RORA: variants seen among roughly 807,000 people sequenced by gnomAD.
RORA encodes the protein nuclear receptor ROR-alpha.
In RORA, 7 loss-of-function variants were observed where a neutral mutation model predicts 69.5. That is an observed-to-expected ratio of 0.10 (90% confidence interval 0.06 to 0.19). RORA has a LOEUF of 0.19. Ranked by LOEUF, RORA falls within the 10% of genes least tolerant of loss-of-function variation. RORA has a pLI of 1.00. For synonymous variants in RORA, 261 were observed against 240.8 expected (o/e 1.08, Z -0.78); for missense variants, 457 against 663.0 (o/e 0.69, Z 3.41).
At chr15:60,859,830 C>G (rs1210110119) in intron 1 of RORA, among the ~76,000 whole-genome samples, 2 of 151,982 alleles carry the variant, frequency 1.3e-5, no homozygotes, top group African/African-American at 4.8e-5. Context: ...CCAGTTATTC[C>G]TGCTGAATTT....
At position 60,797,661 on chromosome 15, in the gene RORA, G is replaced by A. The variant is rs117171714; in HGVS notation, c.167-118975C>T. Among the ~76,000 whole-genome samples, 849 of 152,154 alleles carry A rather than the reference G, an allele frequency of 5.6e-3. 6 individuals are homozygous for A. The highest frequency in any genetic ancestry group is 0.021 in the South Asian group (99 of 4,790). ...TGCTTATGAGATATTAACTCCTTAC[G>A]GGCCCAGCCAAGGACACCGGTGTCA... On this transcript the variant is annotated intron_variant, in intron 1 of 10. Transcript: ENST00000335670.
chr15:61,085,632 C>T (rs1029882990), intron 1 of RORA, among the ~76,000 whole-genome samples: 3 of 152,330 alleles, frequency 2.0e-5, no homozygotes, highest in South Asian at 2.1e-4. Context: ...TCCATGGCCC[C>T]TTTCACTCCT....
intron 2 of RORA, among the ~76,000 whole-genome samples, chr15:60,559,446 T>G (rs1334037419): frequency 6.6e-6 from 1 of 152,200 alleles, no homozygotes; most frequent in African/African-American, 2.4e-5. Context: ...CAATTATAAA[T>G]AGGATGTACT....
Position 60,835,287 on chromosome 15 carries a change from T to C in RORA, c.167-156601A>G, listed in dbSNP as rs1241360582. 2.0e-5 allele frequency among the ~76,000 whole-genome samples: 3 copies of C among 152,212 alleles called. No individual in the cohort carries two copies. In the East Asian group the frequency reaches 5.8e-4, roughly 29 times the overall value. On this transcript the variant is annotated intron_variant, in intron 1 of 10. Transcript: ENST00000335670. ...TAAAAGCTCTTGGGCTATGAGTTAA[T>C]AAGAATTTTAATAAAAATGGAAAGT... is the stretch of plus-strand genomic sequence containing the variant.
intron 1 of RORA, among the ~76,000 whole-genome samples, chr15:60,851,548 C>G (rs2073324620): frequency 6.6e-6 from 1 of 152,158 alleles, no homozygotes; most frequent in Non-Finnish European, 1.5e-5. Flanking sequence ...AACCTGCTAC[C>G]TCCTACTCTG....
chr15:61,011,087 G>C (rs560830481), intron 1 of RORA, among the ~76,000 whole-genome samples: 9 of 152,274 alleles, frequency 5.9e-5, no homozygotes, highest in African/African-American at 1.9e-4. Context: ...GCAGAGGTAG[G>C]AACTGAACCC....
intron 1 of RORA, among the ~76,000 whole-genome samples, chr15:61,171,511 G>A (rs758211659): frequency 4.6e-5 from 7 of 152,268 alleles, no homozygotes; most frequent in Non-Finnish European, 7.4e-5. Flanking sequence ...GCAGGGATCC[G>A]GAAGTAAATT....
intron 2 of RORA, among the ~76,000 whole-genome samples, chr15:60,549,460 A>G (rs759871113): frequency 3.5e-4 from 53 of 152,352 alleles, no homozygotes; most frequent in Non-Finnish European, 5.7e-4. Context: ...GTCAAACACT[A>G]TAAGACCAAG....
rs955474134 is a variant in RORA at position 60,929,081 on chromosome 15, T to C, written c.167-250395A>G. Reference sequence around the variant, plus strand: ...TTGAGCTGGGTCCATTGGAGGAGCATTGTATGGTGCCCCTGCTGGGTCTAC... The same window carrying C: ...TTGAGCTGGGTCCATTGGAGGAGCACTGTATGGTGCCCCTGCTGGGTCTAC... On this transcript the variant is annotated intron_variant, in intron 1 of 10. Transcript: ENST00000335670. Among the ~76,000 whole-genome samples, 15 of 152,176 alleles carry C rather than the reference T, an allele frequency of 9.9e-5. 1 individual carries two copies. The highest frequency in any genetic ancestry group is 3.9e-4 in the Admixed American group (6 of 15,280).
rs550546197 is a variant in RORA at position 60,756,545 on chromosome 15, A to T, written c.167-77859T>A. Among the ~76,000 whole-genome samples, 4 of 152,354 alleles carry T rather than the reference A, an allele frequency of 2.6e-5. No individual in the cohort carries two copies. The South Asian group carries it at 8.3e-4, about 32-fold the overall frequency. On this transcript the variant is annotated intron_variant, in intron 1 of 10. Transcript: ENST00000335670. ...CATAACCCATTAAGATCTCTCCGTTAAGTTCAAAAATCAATGTTAATAATG... is the reference window on the plus strand; with the variant it reads ...CATAACCCATTAAGATCTCTCCGTTTAGTTCAAAAATCAATGTTAATAATG...
chr15:61,118,732 C>T (rs993456485), intron 1 of RORA, among the ~76,000 whole-genome samples: 1 of 152,126 alleles, frequency 6.6e-6, no homozygotes, highest in African/African-American at 2.4e-5. Context: ...GTGACGCTAC[C>T]CCTGCCAAAT....
Position 60,646,797 on chromosome 15 carries a change from G to A in RORA, c.196+31860C>T, listed in dbSNP as rs560274333. On this transcript the variant is annotated intron_variant, in intron 2 of 10. Transcript: ENST00000335670. ...ATCAGAAACTGGAAAGTCTCACCCT[G>A]CCCAGCCTGTCTGGCTCGTATGCTT... Among the ~76,000 whole-genome samples, 65 of 152,310 alleles carry A rather than the reference G, an allele frequency of 4.3e-4. 1 individual carries two copies. The South Asian group carries it at 5.6e-3, about 13-fold the overall frequency.
chr15:61,112,393 G>A (rs2079014671), intron 1 of RORA, among the ~76,000 whole-genome samples: 2 of 152,128 alleles, frequency 1.3e-5, no homozygotes, highest in South Asian at 4.1e-4. Flanking sequence ...AGGAGAGTGT[G>A]CGCGTTTCCA....
At chr15:60,853,142 C>T (rs1295654005) in intron 1 of RORA, among the ~76,000 whole-genome samples, 1 of 152,302 alleles carries the variant, frequency 6.6e-6, no homozygotes, top group South Asian at 2.1e-4. Flanking sequence ...ACGGTACACG[C>T]TTCCAATTAA....
chr15:61,156,702 C>G (rs1302184803), intron 1 of RORA, among the ~76,000 whole-genome samples: 4 of 152,148 alleles, frequency 2.6e-5, no homozygotes, highest in Non-Finnish European at 4.4e-5. Context: ...AACAGAAAGA[C>G]CCTTAAAACT....
At chr15:61,136,274 A>G (rs1026415520) in intron 1 of RORA, among the ~76,000 whole-genome samples, 3 of 151,704 alleles carry the variant, frequency 2.0e-5, no homozygotes, top group Non-Finnish European at 4.4e-5. Context: ...TTATCCTCCT[A>G]TATACCATTT....
intron 1 of RORA, among the ~76,000 whole-genome samples, chr15:60,796,464 A>G (rs998882159): frequency 2.0e-4 from 31 of 152,148 alleles, no homozygotes; most frequent in African/African-American, 7.5e-4. Flanking sequence ...AAAGAAAATC[A>G]GACAGATACC....
At position 61,202,744 on chromosome 15, in the gene RORA, A is replaced by G. The variant is rs573176261; in HGVS notation, c.166+26309T>C. On this transcript the variant is annotated intron_variant, in intron 1 of 10. Coordinates refer to ENST00000335670, the MANE Select transcript of RORA (RefSeq NM_134261.3). The stretch of plus-strand genomic sequence containing the variant: ...CAAGGAAGTAAAAAAGGAACTTGCC[A>G]TCTACCTGGAATTCCAGGTAGAAAA... Among the ~76,000 whole-genome samples the G allele has an allele frequency of 6.6e-5, 10 of 152,314 alleles. No homozygotes were observed. In the South Asian group the frequency reaches 1.9e-3, roughly 28 times the overall value.
chr15:60,782,890 G>T (rs527402069), intron 1 of RORA, among the ~76,000 whole-genome samples: 1 of 152,316 alleles, frequency 6.6e-6, no homozygotes, highest in South Asian at 2.1e-4. Flanking sequence ...AGTTAAACCA[G>T]CATAATTCTT....
Sources: allele counts gnomAD v4.1 joint callset (sites outside exome capture counted in the v4.1 genomes callset), GRCh38; gene constraint gnomAD v4.1.1; transcripts MANE v1.5; gene names NCBI Gene and HGNC (gene_info 2026-07-23, HGNC 2026-07-21).